The following CD2AP variants were observed in gnomAD, a reference collection of about 807,000 sequenced individuals.
The protein encoded by CD2AP is CD2-associated protein.
A neutral mutation model predicts 85.1 loss-of-function variants in CD2AP; 46 were observed. The observed-to-expected ratio is 0.54, with a 90% CI of 0.43 to 0.69. The LOEUF (loss-of-function observed/expected upper bound fraction) is 0.69. Among genes scored for constraint, CD2AP ranks in the 30% least tolerant of loss-of-function variants. CD2AP has a pLI of 0.00. For missense variants in CD2AP, 769 were observed against 729.5 expected (o/e 1.05, Z -0.62); for synonymous variants, 255 against 252.9 (o/e 1.01, Z -0.08).
rs9349406 is a variant in CD2AP, at chr6:47,478,191, T to A, written c.-54T>A. ...CGGGAGCGGCCGCGCGAGCCACCAC[T>A]GGAGGAGGAGGAGGAGGAGCGGACG... On this transcript the variant is annotated 5_prime_UTR_variant, in exon 1 of 18. Transcript: ENST00000359314. The A allele has an allele frequency of 0.95, 1,435,701 of 1,506,244 alleles. 683,268 individuals carry two copies. The highest frequency in any genetic ancestry group is 0.96 in the East Asian group (38,783 of 40,276). The allele number at this position is 1,506,244 out of a possible 1,614,324, so 93.3% of individuals were successfully genotyped here.
chr6:47,547,979 G>A (rs184459424), intron 4 of CD2AP, among the ~76,000 whole-genome samples: 84 of 152,212 alleles, frequency 5.5e-4, no homozygotes, highest in African/African-American at 1.9e-3. Context: ...CTTACTGAAC[G>A]ACAATAGTGA....
At chr6:47,622,868 C>T (rs1271792764) in intron 17 of CD2AP, among the ~76,000 whole-genome samples, 1 of 152,188 alleles carries the variant, frequency 6.6e-6, no homozygotes, top group Non-Finnish European at 1.5e-5. Flanking sequence ...ATGATGATCC[C>T]TGTCCAGTGA....
chr6:47,486,467 T>C (rs1208344090), intron 1 of CD2AP, among the ~76,000 whole-genome samples: 1 of 152,126 alleles, frequency 6.6e-6, no homozygotes, highest in African/African-American at 2.4e-5. Flanking sequence ...AATGTTAAAA[T>C]GTAGTAGGAG....
intron 3 of CD2AP, among the ~76,000 whole-genome samples, chr6:47,536,519 T>C (rs1582528990): frequency 6.6e-6 from 1 of 152,144 alleles, no homozygotes; most frequent in South Asian, 2.1e-4. Flanking sequence ...ATAATGATGT[T>C]GAGTATCCAA....
chr6:47,478,264 G>A lies in CD2AP; in HGVS notation c.4+16G>A, dbSNP rs370143870. 5,027 of 1,568,450 alleles carry A rather than the reference G, an allele frequency of 3.2e-3. 11 individuals are homozygous for A. Among genetic ancestry groups the A allele is most frequent in the Non-Finnish European group, 4.1e-3 (4,736 of 1,157,270 alleles). ...CCCAGCATGGGTAAGAGACTCGGGC[G>A]CTTCCCGCCGCCCGTCCGGACCTTC... On this transcript the variant is annotated intron_variant, in intron 1 of 17. Coordinates refer to ENST00000359314, the MANE Select transcript of CD2AP (RefSeq NM_012120.3).
chr6:47,613,219 C>T (rs548392263), intron 17 of CD2AP, among the ~76,000 whole-genome samples: 6 of 152,246 alleles, frequency 3.9e-5, no homozygotes, highest in South Asian at 2.1e-4. Context: ...TCTTATGAAT[C>T]GTGAATGTTC....
intron 2 of CD2AP, among the ~76,000 whole-genome samples, chr6:47,505,182 G>A (rs1252523349): frequency 1.4e-5 from 2 of 144,096 alleles, no homozygotes; most frequent in African/African-American, 5.1e-5. Flanking sequence ...GCGGCCTTCC[G>A]CAGTGTTTGT....
chr6:47,477,832 A>G lies in CD2AP; in HGVS notation c.-413A>G, dbSNP rs1018699091. Reference sequence around the variant, plus strand: ...CTTAGTCTACGGTGTCGCCTTTTCTAACTGCGAGTGCTAAGGAAGAGGCGA... The same window carrying G: ...CTTAGTCTACGGTGTCGCCTTTTCTGACTGCGAGTGCTAAGGAAGAGGCGA... On this transcript the variant is annotated 5_prime_UTR_variant, in exon 1 of 18. Coordinates refer to ENST00000359314, the MANE Select transcript of CD2AP (RefSeq NM_012120.3). 6 of 242,734 alleles carry G rather than the reference A, an allele frequency of 2.5e-5. No homozygotes were observed. The highest frequency in any genetic ancestry group is 5.6e-5 in the Admixed American group (1 of 17,766). The allele number at this position is 242,734 out of a possible 1,614,324, so 15.0% of individuals were successfully genotyped here. A position where few individuals can be genotyped will look rare whatever the true frequency, so the allele number is the denominator to read the frequency against.
At chr6:47,536,298 C>T (rs1013138978) in intron 3 of CD2AP, among the ~76,000 whole-genome samples, 25 of 150,966 alleles carry the variant, frequency 1.7e-4, no homozygotes, top group African/African-American at 5.6e-4. Context: ...AAAAGTGGCT[C>T]ATTGTATTGT....
At chr6:47,554,459 A>G (rs1767620574) in intron 4 of CD2AP, among the ~76,000 whole-genome samples, 187 bp from the exon 5 acceptor site, 1 of 152,248 alleles carries the variant, frequency 6.6e-6, no homozygotes, top group South Asian at 2.1e-4. Flanking sequence ...TTAATCCCAT[A>G]TATGAGTAAT....
chr6:47,615,787 AATTTAATTTATTT>A (rs1422188875), intron 17 of CD2AP, among the ~76,000 whole-genome samples: 13 of 94,640 alleles, frequency 1.4e-4, no homozygotes, highest in South Asian at 9.5e-4. Flanking sequence ...ATTTTAATTT[AATTTAATTTATTT>A]ATTTATTTAT....
intron 13 of CD2AP, among the ~76,000 whole-genome samples, chr6:47,600,808 T>A (rs1769108118): frequency 6.6e-6 from 1 of 151,964 alleles, no homozygotes; most frequent in Admixed American, 6.6e-5. Flanking sequence ...GCTAGAAATG[T>A]GTTTCATAGG....
intron 1 of CD2AP, among the ~76,000 whole-genome samples, chr6:47,498,033 G>T (rs1050667687): frequency 2.1e-5 from 3 of 145,984 alleles, no homozygotes; most frequent in African/African-American, 7.6e-5. Context: ...TTAATTTTGC[G>T]CAGCTGCAAA....
intron 1 of CD2AP, among the ~76,000 whole-genome samples, chr6:47,497,457 G>A (rs138004979): frequency 0.012 from 1,885 of 151,290 alleles, 37 homozygotes; most frequent in African/African-American, 0.04. Flanking sequence ...GCAGTGGTGC[G>A]ATCTCTGCTC....
At chr6:47,588,921 A>G (rs1321595347) in intron 11 of CD2AP, among the ~76,000 whole-genome samples, 1 of 152,150 alleles carries the variant, frequency 6.6e-6, no homozygotes, top group African/African-American at 2.4e-5. Flanking sequence ...ACTTATAAGA[A>G]GAATACTATT....
At chr6:47,483,413 T>C (rs1298552933) in intron 1 of CD2AP, among the ~76,000 whole-genome samples, 1 of 152,074 alleles carries the variant, frequency 6.6e-6, no homozygotes, top group Non-Finnish European at 1.5e-5. Flanking sequence ...GACTGGCATC[T>C]TGGGGGAAAA....
chr6:47,579,359 C>G, intron 8 of CD2AP, 26 bp from the exon 9 acceptor site: 3,375 of 931,410 alleles, frequency 3.6e-3, no homozygotes, highest in Non-Finnish European at 5.4e-3. Context: ...GGTCTATTGT[C>G]TTAATTATTC....
intron 11 of CD2AP, among the ~76,000 whole-genome samples, chr6:47,590,408 A>G (rs1291942311): frequency 2.6e-5 from 4 of 152,120 alleles, no homozygotes; most frequent in Non-Finnish European, 5.9e-5. Context: ...CTGAACTGAA[A>G]CATAAGGAGA....
chr6:47,609,396 G>A (rs1186940137), intron 16 of CD2AP, 92 bp downstream of exon 16: 13 of 1,072,832 alleles, frequency 1.2e-5, no homozygotes, highest in Non-Finnish European at 1.6e-5. Flanking sequence ...CTAATCTGTG[G>A]CTGGGTGTGG....
Sources: allele counts gnomAD v4.1 joint callset (sites outside exome capture counted in the v4.1 genomes callset), GRCh38; gene constraint gnomAD v4.1.1; transcripts MANE v1.5; gene names NCBI Gene and HGNC (gene_info 2026-07-23, HGNC 2026-07-21).